PNKD: variants seen among roughly 807,000 people sequenced by gnomAD.
PNKD encodes PNKD metallo-beta-lactamase domain containing, also known as probable thioesterase PNKD.
A neutral mutation model predicts 45.3 loss-of-function variants in PNKD; 36 were observed. The observed-to-expected ratio is 0.80, with a 90% confidence interval of 0.61 to 1.05. The LOEUF is 1.05. PNKD is among the 50% of genes least tolerant of loss of function. The pLI, the probability that PNKD is intolerant of heterozygous loss-of-function variation, is 0.00. For missense variants in PNKD, 511 were observed against 506.6 expected, an observed-to-expected ratio of 1.01 and a Z score of -0.08; for synonymous variants, 197 against 210.1, an observed-to-expected ratio of 0.94 and a Z score of 0.54.
intron 2 of PNKD, among the ~76,000 whole-genome samples, chr2:218,304,169 T>C (rs1693351832): frequency 6.6e-6 from 1 of 152,086 alleles, no homozygotes. Context: ...TTTTTTGTTT[T>C]TGAGACAGAG....
chr2:218,339,930 C>T, intron 3 of PNKD, 32 bp downstream of exon 3: 1 of 1,517,916 alleles, frequency 6.6e-7, no homozygotes, highest in Non-Finnish European at 9.1e-7. Flanking sequence ...CAGCATCCCC[C>T]ATTCTGTGCC....
chr2:218,278,366 A>G (rs567107738), intron 2 of PNKD: 2 of 802,278 alleles, frequency 2.5e-6, no homozygotes, highest in Admixed American at 4.2e-5. Flanking sequence ...CTTTGTATAC[A>G]CCTGAACAGT....
intron 2 of PNKD, among the ~76,000 whole-genome samples, chr2:218,320,294 T>A (rs1361060135): frequency 6.6e-6 from 1 of 152,254 alleles, no homozygotes; most frequent in Non-Finnish European, 1.5e-5. Context: ...TGTGATAGTT[T>A]GATACATGTA....
intron 2 of PNKD, among the ~76,000 whole-genome samples, chr2:218,315,057 T>TCTTTCTTTCTATCTTC: frequency 1.8e-5 from 1 of 55,642 alleles, no homozygotes; most frequent in South Asian, 6.5e-4. Flanking sequence ...TTTCTTTCTT[T>TCTTTCTTTCTATCTTC]CTTCCTTCCT....
chr2:218,296,822 C>T (rs1194934261), intron 2 of PNKD, among the ~76,000 whole-genome samples: 7 of 152,172 alleles, frequency 4.6e-5, no homozygotes, highest in Admixed American at 3.3e-4. Context: ...AGATTACAGG[C>T]GCCCACCACA....
intron 2 of PNKD, chr2:218,282,295 T>C: frequency 3.3e-6 from 2 of 603,804 alleles, no homozygotes; most frequent in Non-Finnish European, 5.4e-6. Context: ...ACACCACCTA[T>C]TTTCTCCTTA....
At chr2:218,272,657 G>A (rs1690893598) in intron 2 of PNKD, 1 of 1,614,208 alleles carries the variant, frequency 6.2e-7, no homozygotes, top group Admixed American at 1.7e-5. Context: ...TGAAGGCTCG[G>A]CAGAACATGC....
At chr2:218,336,788 C>CTTTTT (rs71064439) in intron 2 of PNKD, among the ~76,000 whole-genome samples, 4 of 29,156 alleles carry the variant, frequency 1.4e-4, no homozygotes, top group African/African-American at 2.2e-4. Flanking sequence ...GCCTTCAATT[C>CTTTTT]TTTTTTTTTT....
rs763450388 is a variant in PNKD, at chr2:218,342,000, G to A, written c.637G>A (p.Val213Met). Residue 213 changes from valine to methionine, a missense_variant, in exon 7 of 10, where the codon GTG (valine) becomes ATG (methionine). Transcript: ENST00000273077. ...CCCCAGTCCCCTGTGTCATCAAGAT[G>A]TGGTCAGCGTGGGACGGCTTCAGAT... is the stretch of plus-strand genomic sequence containing the variant. The part of the protein sequence containing the change: ...YLTHPLCHQD[V>M]VSVGRLQIRA... The A allele has an allele frequency of 6.2e-7, 1 of 1,613,584 alleles. No individual in the cohort carries two copies. Among genetic ancestry groups the A allele is most frequent in the African/African-American group, 1.3e-5 (1 of 74,942 alleles).
chr2:218,312,560 T>C (rs1223281861), intron 2 of PNKD, among the ~76,000 whole-genome samples: 2 of 48,508 alleles, frequency 4.1e-5, no homozygotes, highest in South Asian at 1.1e-3. Context: ...CACACCCATG[T>C]TGTTTAAAAA....
chr2:218,278,251 C>T (rs1691455899), intron 2 of PNKD: 1 of 604,988 alleles, frequency 1.7e-6, no homozygotes, highest in Non-Finnish European at 2.9e-6. Flanking sequence ...TACTCAGCCT[C>T]TTTGAGCCTC....
chr2:218,313,354 AC>A (rs555286061), intron 2 of PNKD, among the ~76,000 whole-genome samples: 102 of 152,230 alleles, frequency 6.7e-4, no homozygotes, highest in African/African-American at 2.4e-3. Flanking sequence ...CAGGTGATCC[AC>A]CTGCCTCAGC....
In PNKD at chr2:218,345,047, C is replaced by G. The variant is rs532915776; in HGVS notation, c.*66C>G. ...GAGGCCGCCACCACCAACACCTCAT[C>G]ATCCTTCTCATCGCTAACACCACCA... On this transcript the variant is annotated 3_prime_UTR_variant, in exon 10 of 10. Transcript: ENST00000273077. 5.7e-6 allele frequency: 7 copies of G among 1,237,384 alleles called. No homozygotes were observed. The South Asian group carries it at 8.1e-5, about 14-fold the overall frequency. The allele number at this position is 1,237,384 out of a possible 1,614,324, so 76.7% of individuals were successfully genotyped here. A position where few individuals can be genotyped will look rare whatever the true frequency, so the allele number is the denominator to read the frequency against.
In PNKD at chr2:218,275,292, G is replaced by A. The variant is rs12612648; in HGVS notation, c.236+3743G>A. ...GCAACAGTTAGTCCCTAGCTCCTCC[G>A]TCCCCACCAAGTACCCACACATCCA... On this transcript the variant is annotated intron_variant, in intron 2 of 9. Transcript: ENST00000273077. 4,168 of 697,508 alleles carry A rather than the reference G, an allele frequency of 6.0e-3. 167 individuals carry two copies. The East Asian group carries it at 0.08, about 13-fold the overall frequency. The allele number at this position is 697,508 out of a possible 1,614,324, so 43.2% of individuals were successfully genotyped here.
chr2:218,297,678 C>T (rs1693174474), intron 2 of PNKD, among the ~76,000 whole-genome samples: 1 of 126,876 alleles, frequency 7.9e-6, no homozygotes, highest in African/African-American at 3.1e-5. Flanking sequence ...GAAAAAGACT[C>T]CGTCTCAAAA....
At chr2:218,289,645 A>AAG (rs1692805035) in intron 2 of PNKD, among the ~76,000 whole-genome samples, 2 of 151,374 alleles carry the variant, frequency 1.3e-5, no homozygotes. Flanking sequence ...AAAAAAAAAA[A>AAG]ACTGAAAGAT....
rs1339840399 is a variant in PNKD at position 218,314,211 on chromosome 2, C to T, written c.237-25572C>T. Among the ~76,000 whole-genome samples the T allele has an allele frequency of 1.7e-4, 25 of 143,426 alleles. 1 individual carries two copies. Among genetic ancestry groups the T allele is most frequent in the Non-Finnish European group, 3.0e-5 (2 of 67,028 alleles). The allele number at this position is 143,426 out of a possible 152,430, so 94.1% of individuals were successfully genotyped here. ...TTGCTGGGATTACAGGCGTGAGCCA[C>T]CGCGCCCTGGCTTTTTTTTTTTTTT... On this transcript the variant is annotated intron_variant, in intron 2 of 9. Transcript: ENST00000273077.
At chr2:218,288,701 C>G (rs1271710651) in intron 2 of PNKD, among the ~76,000 whole-genome samples, 1 of 152,148 alleles carries the variant, frequency 6.6e-6, no homozygotes, top group Admixed American at 6.5e-5. Flanking sequence ...AATCCAAAAT[C>G]CATGTGCTTC....
chr2:218,299,762 C>T (rs1422151013), intron 2 of PNKD, among the ~76,000 whole-genome samples: 4 of 152,124 alleles, frequency 2.6e-5, no homozygotes, highest in African/African-American at 9.7e-5. Context: ...GCTGGGATTA[C>T]AGGCACGTAC....
Sources: gnomAD v4.1 joint callset for allele counts (sites outside exome capture counted in the v4.1 genomes callset) on GRCh38, gnomAD v4.1.1 for gene constraint, MANE v1.5 for transcripts, NCBI Gene and HGNC (gene_info 2026-07-23, HGNC 2026-07-21) for gene names.